Variants in RABGAP1L observed in about 807,000 individuals in gnomAD.
The protein encoded by RABGAP1L is RAB GTPase activating protein 1 like.
RABGAP1L carries 63 observed loss-of-function variants against 137.7 expected under a neutral mutation model. The observed-to-expected ratio is 0.46, with a 90% CI of 0.37 to 0.56. RABGAP1L has a LOEUF of 0.56. Among genes scored for constraint, RABGAP1L ranks in the 20% least tolerant of loss-of-function variants. RABGAP1L has a pLI of 0.00. For missense variants in RABGAP1L, 1,095 were observed against 1,244.0 expected, an observed-to-expected ratio of 0.88 and a Z score of 1.80; for synonymous variants, 431 against 433.7, an observed-to-expected ratio of 0.99 and a Z score of 0.08.
chr1:174,663,901 C>G (rs1366626078), intron 14 of RABGAP1L, among the ~76,000 whole-genome samples: 1 of 152,018 alleles, frequency 6.6e-6, no homozygotes, highest in African/African-American at 2.4e-5. Context: ...GATGATTTTT[C>G]TGTTTGAAAT....
chr1:174,776,785 G>C (rs1265949562), intron 18 of RABGAP1L, among the ~76,000 whole-genome samples: 5 of 152,294 alleles, frequency 3.3e-5, no homozygotes, highest in Non-Finnish European at 5.9e-5. Context: ...ATCTTTGCCT[G>C]TTAGCTGGCT....
At chr1:174,815,099 T>C (rs902168369) in intron 19 of RABGAP1L, among the ~76,000 whole-genome samples, 18 of 152,162 alleles carry the variant, frequency 1.2e-4, no homozygotes, top group African/African-American at 4.3e-4. Flanking sequence ...AGCTTGTAGT[T>C]TTGAAAAAAC....
chr1:174,783,707 CTTTTTTTT>C (rs34367315), intron 18 of RABGAP1L, among the ~76,000 whole-genome samples: 13 of 102,474 alleles, frequency 1.3e-4, no homozygotes, highest in Admixed American at 1.2e-3. Context: ...TCTTCTTCTT[CTTTTTTTT>C]TTTTTTTTTT....
chr1:174,434,146 CA>C (rs1558230250), intron 13 of RABGAP1L, among the ~76,000 whole-genome samples: 6 of 150,970 alleles, frequency 4.0e-5, no homozygotes, highest in African/African-American at 1.5e-4. Flanking sequence ...CACACACACA[CA>C]CACACCCTGC....
chr1:174,425,982 G>C (rs1367092035), intron 13 of RABGAP1L, among the ~76,000 whole-genome samples: 1 of 151,948 alleles, frequency 6.6e-6, no homozygotes, highest in Admixed American at 6.6e-5. Context: ...CTATTTAGAG[G>C]GAAGAAAAGT....
chr1:174,424,082 C>G (rs1651671190), intron 13 of RABGAP1L, among the ~76,000 whole-genome samples: 1 of 152,024 alleles, frequency 6.6e-6, no homozygotes, highest in South Asian at 2.1e-4. Flanking sequence ...ATATAGTAGA[C>G]TTTCAAGAAA....
At chr1:174,616,478 C>G (rs1214578688) in intron 13 of RABGAP1L, among the ~76,000 whole-genome samples, 1 of 152,184 alleles carries the variant, frequency 6.6e-6, no homozygotes, top group Non-Finnish European at 1.5e-5. Context: ...CTACTAAAGT[C>G]TCAGGCACCA....
chr1:174,511,973 A>G (rs1662389903), intron 13 of RABGAP1L, among the ~76,000 whole-genome samples: 2 of 151,854 alleles, frequency 1.3e-5, no homozygotes, highest in African/African-American at 4.8e-5. Context: ...GTTTTAGATG[A>G]TTTTTTCCAA....
chr1:174,199,295 T>G (rs1220217531), intron 1 of RABGAP1L, among the ~76,000 whole-genome samples: 1 of 151,786 alleles, frequency 6.6e-6, no homozygotes, highest in Non-Finnish European at 1.5e-5. Flanking sequence ...TCATGTATTG[T>G]TTTTTTTCTT....
intron 7 of RABGAP1L, among the ~76,000 whole-genome samples, chr1:174,263,401 T>A (rs1673768798): frequency 6.6e-6 from 1 of 152,244 alleles, no homozygotes; most frequent in Non-Finnish European, 1.5e-5. Flanking sequence ...TACTCTACTA[T>A]GACAGTTAAT....
At chr1:174,392,860 A>G (rs1051626116) in intron 12 of RABGAP1L, among the ~76,000 whole-genome samples, 2 of 152,202 alleles carry the variant, frequency 1.3e-5, no homozygotes, top group Non-Finnish European at 1.5e-5. Flanking sequence ...ACCAGAGTAC[A>G]TTGTCAAGGT....
At chr1:174,861,677 T>C (rs1344564689) in intron 19 of RABGAP1L, among the ~76,000 whole-genome samples, 1 of 152,214 alleles carries the variant, frequency 6.6e-6, no homozygotes, top group Non-Finnish European at 1.5e-5. Context: ...TTTCATGGTT[T>C]TGATTTGTAT....
chr1:174,859,208 G>C (rs1168368534), intron 19 of RABGAP1L, among the ~76,000 whole-genome samples: 2 of 152,250 alleles, frequency 1.3e-5, no homozygotes, highest in African/African-American at 2.4e-5. Flanking sequence ...GAGGCCGAGC[G>C]TGGTGGCTCA....
chr1:174,242,862 A>G (rs891559020), intron 5 of RABGAP1L: 8 of 152,224 alleles, frequency 5.3e-5, no homozygotes, highest in African/African-American at 1.7e-4. Flanking sequence ...GTGAATGAGT[A>G]TAAGTATGCT....
At chr1:174,185,583 T>G (rs1162924006) in intron 1 of RABGAP1L, among the ~76,000 whole-genome samples, 1 of 152,160 alleles carries the variant, frequency 6.6e-6, no homozygotes, top group Non-Finnish European at 1.5e-5. Flanking sequence ...TCCCTATACA[T>G]TGTTTAATAA....
chr1:174,720,516 A>G (rs2148589000), intron 17 of RABGAP1L, among the ~76,000 whole-genome samples: 1 of 151,898 alleles, frequency 6.6e-6, no homozygotes, highest in East Asian at 1.9e-4. Flanking sequence ...GGGTTTTGCC[A>G]TGTTGCCCAG....
chr1:174,895,261 A>G (rs1656938106), intron 19 of RABGAP1L, among the ~76,000 whole-genome samples: 1 of 152,246 alleles, frequency 6.6e-6, no homozygotes, highest in African/African-American at 2.4e-5. Flanking sequence ...AAATATTTAT[A>G]GGCTGTACAA....
intron 13 of RABGAP1L, among the ~76,000 whole-genome samples, chr1:174,482,541 A>C (rs1659214395): frequency 6.6e-6 from 1 of 152,192 alleles, no homozygotes; most frequent in African/African-American, 2.4e-5. Context: ...CCCAGACTGG[A>C]GTGCAGTGGC....
intron 1 of RABGAP1L, among the ~76,000 whole-genome samples, chr1:174,199,588 G>A (rs1667957611): frequency 6.6e-6 from 1 of 152,054 alleles, no homozygotes; most frequent in Non-Finnish European, 1.5e-5. Flanking sequence ...CACCATGCCC[G>A]GCCCATACAT....
Sources: gnomAD v4.1 joint callset for allele counts (sites outside exome capture counted in the v4.1 genomes callset) on GRCh38, gnomAD v4.1.1 for gene constraint, MANE v1.5 for transcripts, NCBI Gene and HGNC (gene_info 2026-07-23, HGNC 2026-07-21) for gene names.